The following TMEM87A variants were observed in gnomAD, a reference collection of about 807,000 sequenced individuals.
TMEM87A encodes Golgi-pH regulating cation channel.
TMEM87A carries 50 observed loss-of-function variants against 90.0 expected under a neutral mutation model. The observed-to-expected ratio is 0.56, with a 90% confidence interval of 0.44 to 0.70. TMEM87A has a LOEUF of 0.70. Among genes scored for constraint, TMEM87A ranks in the 30% least tolerant of loss-of-function variants. The pLI is 0.00. For missense variants in TMEM87A, 577 were observed against 660.5 expected, an observed-to-expected ratio of 0.87 and a Z score of 1.39; for synonymous variants, 226 against 226.7, an observed-to-expected ratio of 1.00 and a Z score of 0.03.
At chr15:42,218,421 T>C (rs757560726) in intron 17 of TMEM87A, 43 bp from the exon 18 acceptor site, 1 of 1,584,956 alleles carries the variant, frequency 6.3e-7, no homozygotes. Context: ...ATGCACCACA[T>C]AATACATCTC....
At chr15:42,212,964 C>T (rs1457770590) in intron 19 of TMEM87A, among the ~76,000 whole-genome samples, 1 of 152,196 alleles carries the variant, frequency 6.6e-6, no homozygotes, top group Non-Finnish European at 1.5e-5. Context: ...TCTACAGACA[C>T]ACTGATTCAA....
chr15:42,273,444 G>C (rs563845220), upstream of TMEM87A: 448 of 1,609,200 alleles, frequency 2.8e-4, 2 homozygotes, highest in Admixed American at 7.2e-3. Flanking sequence ...ACCCTCTTCC[G>C]GTTCGTCCCG....
At chr15:42,225,516 CAGTGTA>C (rs2050574844) in intron 15 of TMEM87A, among the ~76,000 whole-genome samples, 1 of 152,174 alleles carries the variant, frequency 6.6e-6, no homozygotes. Context: ...AGGAGAGACT[CAGTGTA>C]AGTGATACAA....
chr15:42,224,632 C>A (rs1289498585), intron 15 of TMEM87A: 1 of 152,148 alleles, frequency 6.6e-6, no homozygotes, highest in African/African-American at 2.4e-5. Context: ...TCTTGAGGAC[C>A]CTGACACACC....
chr15:42,250,680 T>A (rs2051068858), intron 6 of TMEM87A, among the ~76,000 whole-genome samples: 1 of 152,214 alleles, frequency 6.6e-6, no homozygotes, highest in African/African-American at 2.4e-5. Context: ...TTTTTTTCCT[T>A]CATTTCAACC....
At chr15:42,268,601 A>G (rs4563020) in intron 2 of TMEM87A, among the ~76,000 whole-genome samples, 143,114 of 152,102 alleles carry the variant, frequency 0.94, 67,880 homozygotes, top group Non-Finnish European at 1. Context: ...CAGGAGGTCA[A>G]GTCTGCAGTG....
intron 6 of TMEM87A, chr15:42,258,709 G>C (rs2051229408): frequency 1.6e-6 from 2 of 1,277,580 alleles, no homozygotes; most frequent in East Asian, 6.6e-5. Flanking sequence ...TTACAGGCGT[G>C]AGCCACTGTA....
intron 10 of TMEM87A, among the ~76,000 whole-genome samples, chr15:42,235,080 C>G (rs1200806311): frequency 6.6e-6 from 1 of 152,044 alleles, no homozygotes; most frequent in Admixed American, 6.5e-5. Context: ...GTTCTGTTAC[C>G]CAGGCTAGAG....
intron 6 of TMEM87A, among the ~76,000 whole-genome samples, chr15:42,245,520 CTTTTT>C (rs550453415): frequency 2.5e-5 from 3 of 118,430 alleles, no homozygotes; most frequent in East Asian, 2.3e-4. Flanking sequence ...ACATTTATTA[CTTTTT>C]TTTTTTTTTT....
chr15:42,257,830 C>G (rs1010649583), intron 6 of TMEM87A: 1 of 795,420 alleles, frequency 1.3e-6, no homozygotes, highest in South Asian at 5.7e-5. Flanking sequence ...ATTCAATGTA[C>G]CAATTTGGTA....
chr15:42,263,066 A>G (rs995771599), intron 4 of TMEM87A, among the ~76,000 whole-genome samples: 5 of 152,226 alleles, frequency 3.3e-5, no homozygotes, highest in African/African-American at 1.2e-4. Context: ...TCAGATCTAT[A>G]GAAGTAAATT....
chr15:42,237,695 T>C, intron 8 of TMEM87A, 80 bp from the exon 9 acceptor site: 1 of 603,718 alleles, frequency 1.7e-6, no homozygotes, highest in Non-Finnish European at 2.0e-6. Flanking sequence ...CAATATATAC[T>C]TTTTTTTTTT....
chr15:42,212,203 T>C (rs1367158491), intron 19 of TMEM87A, among the ~76,000 whole-genome samples: 1 of 152,214 alleles, frequency 6.6e-6, no homozygotes, highest in African/African-American at 2.4e-5. Context: ...AAAAATCATG[T>C]AAAAAATAAA....
rs10681614 is a variant in TMEM87A, at chr15:42,264,699, A to ATATATAT, written c.292-497_292-496insATATATA. On this transcript the variant is annotated intron_variant, in intron 3 of 19. Transcript: ENST00000389834. ...TATGTGTGTGTATATATATATATAT[A>ATATATAT]TTTTTTTTTTAACTTTTATTTTAGG... Among the ~76,000 whole-genome samples, 50 of 109,434 alleles carry ATATATAT rather than the reference A, an allele frequency of 4.6e-4. 1 individual carries two copies. The South Asian group carries it at 5.2e-3, about 11-fold the overall frequency. 71.8% of individuals were successfully genotyped at this position (109,434 alleles called of 152,430 possible). A position where few individuals can be genotyped will look rare whatever the true frequency, so the allele number is the denominator to read the frequency against.
Position 42,233,073 on chromosome 15 carries a change from T to C in TMEM87A, c.1062+140A>G, listed in dbSNP as rs2050713156. On this transcript the variant is annotated intron_variant, in intron 11 of 19. Coordinates refer to ENST00000389834, the MANE Select transcript of TMEM87A (RefSeq NM_015497.5). Reference sequence around the variant, plus strand: ...TAGATTTAAAAGAGAACATGAACTATACATATATTTTGAAAATCAGAGCCC... The same window carrying C: ...TAGATTTAAAAGAGAACATGAACTACACATATATTTTGAAAATCAGAGCCC... 4 of 616,170 alleles carry C rather than the reference T, an allele frequency of 6.5e-6. No individual in the cohort carries two copies. The South Asian group carries it at 6.5e-5, about 10-fold the overall frequency. The allele number at this position is 616,170 out of a possible 1,614,324, so 38.2% of individuals were successfully genotyped here.
intron 19 of TMEM87A, 106 bp from the exon 20 acceptor site, chr15:42,211,855 G>T: frequency 9.7e-7 from 1 of 1,031,546 alleles, no homozygotes; most frequent in Non-Finnish European, 1.4e-6. Context: ...AGTACTTTAT[G>T]TTAATTAAAT....
chr15:42,248,568 T>C (rs953418990), intron 6 of TMEM87A, among the ~76,000 whole-genome samples: 1 of 152,224 alleles, frequency 6.6e-6, no homozygotes, highest in Non-Finnish European at 1.5e-5. Context: ...TGGTTCTGTT[T>C]ATGTGATGGA....
intron 6 of TMEM87A, chr15:42,258,048 A>G (rs1454320603): frequency 1.7e-5 from 17 of 973,686 alleles, no homozygotes; most frequent in Non-Finnish European, 2.1e-5. Flanking sequence ...AAATGTAGTT[A>G]AAATATTAAT....
At chr15:42,218,872 A>G (rs1460424703) in intron 17 of TMEM87A, 2 of 155,060 alleles carry the variant, frequency 1.3e-5, no homozygotes, top group Non-Finnish European at 2.9e-5. Context: ...TGCAATGAAC[A>G]TGACAGTGCA....
Sources: allele counts gnomAD v4.1 joint callset (sites outside exome capture counted in the v4.1 genomes callset), GRCh38; gene constraint gnomAD v4.1.1; transcripts MANE v1.5; gene names NCBI Gene and HGNC (gene_info 2026-07-23, HGNC 2026-07-21).